The following DCC variants were observed in gnomAD, a reference collection of about 807,000 sequenced individuals.
The protein encoded by DCC is netrin receptor DCC.
In DCC, 58 loss-of-function variants were observed where a neutral mutation model predicts 172.5. The ratio of observed to expected loss-of-function variants is 0.34; its 90% CI spans 0.27 to 0.42. The LOEUF (loss-of-function observed/expected upper bound fraction) is 0.42, where lower values mean the gene tolerates loss of function less well. Among genes scored for constraint, DCC ranks in the 10% least tolerant of loss-of-function variants. The pLI, the probability that DCC is intolerant of heterozygous loss-of-function variation, is 1.00. For synonymous variants in DCC, 709 were observed against 644.5 expected (o/e 1.10, Z -1.52); for missense variants, 1,740 against 1,791.0 (o/e 0.97, Z 0.51).
At chr18:52,681,172 C>T (rs370297263) in intron 1 of DCC, among the ~76,000 whole-genome samples, 11 of 152,152 alleles carry the variant, frequency 7.2e-5, no homozygotes, top group African/African-American at 2.6e-4. Context: ...GAAGTCTAGA[C>T]AAGTCAAATG....
chr18:53,344,014 C>CT (rs1021582662), intron 15 of DCC, among the ~76,000 whole-genome samples: 6 of 151,718 alleles, frequency 4.0e-5, no homozygotes, highest in East Asian at 1.9e-4. Context: ...TTGTTCCTGT[C>CT]TTTTTTTTGT....
At chr18:52,981,241 T>C (rs2145604610) in intron 5 of DCC, among the ~76,000 whole-genome samples, 1 of 152,302 alleles carries the variant, frequency 6.6e-6, no homozygotes, top group Non-Finnish European at 1.5e-5. Flanking sequence ...CTGTAGAACT[T>C]GTGGACCTAT....
At chr18:53,100,051 A>G (rs2043146707) in intron 7 of DCC, among the ~76,000 whole-genome samples, 1 of 150,508 alleles carries the variant, frequency 6.6e-6, no homozygotes, top group African/African-American at 2.5e-5. Context: ...GGTTCCAGCA[A>G]TTCTCCTGCA....
chr18:52,981,834 A>T (rs2041215450), intron 5 of DCC, among the ~76,000 whole-genome samples: 1 of 152,236 alleles, frequency 6.6e-6, no homozygotes. Context: ...CAATACAAGT[A>T]AATGAGTAAT....
Position 53,502,319 on chromosome 18 carries a change from T to C in DCC, c.4111+2809T>C, listed in dbSNP as rs529221644. 4.6e-5 allele frequency among the ~76,000 whole-genome samples: 7 copies of C among 152,366 alleles called. No homozygotes were observed. The South Asian group carries it at 1.2e-3, about 27-fold the overall frequency. ...TTTTTCCTTTAGTGTTTCTCTCTTA[T>C]TGTCTTCCTATGATTCCTGTTCATT... On this transcript the variant is annotated intron_variant, in intron 27 of 28. Transcript: ENST00000442544.
At chr18:53,160,199 C>T (rs2054814016) in intron 8 of DCC, among the ~76,000 whole-genome samples, 1 of 152,154 alleles carries the variant, frequency 6.6e-6, no homozygotes, top group Non-Finnish European at 1.5e-5. Context: ...ACCCCCTTGG[C>T]TACTTGCTGC....
At chr18:52,647,182 C>T (rs2035034745) in intron 1 of DCC, among the ~76,000 whole-genome samples, 1 of 152,178 alleles carries the variant, frequency 6.6e-6, no homozygotes, top group African/African-American at 2.4e-5. Flanking sequence ...AAGGGGTTGT[C>T]ATCCACGGTA....
At chr18:52,701,881 C>G (rs1157961422) in intron 1 of DCC, among the ~76,000 whole-genome samples, 1 of 152,166 alleles carries the variant, frequency 6.6e-6, no homozygotes, top group African/African-American at 2.4e-5. Context: ...ACAGGAAGGC[C>G]TCTAAGATTT....
At chr18:52,955,635 A>G (rs371366015) in intron 5 of DCC, among the ~76,000 whole-genome samples, 2 of 152,210 alleles carry the variant, frequency 1.3e-5, no homozygotes, top group African/African-American at 4.8e-5. Context: ...CTGTCCTTCA[A>G]AGTGGTTGCA....
At chr18:52,422,949 T>G (rs1987299391) in intron 1 of DCC, among the ~76,000 whole-genome samples, 1 of 152,158 alleles carries the variant, frequency 6.6e-6, no homozygotes, top group Admixed American at 6.5e-5. Flanking sequence ...GGACCTTCAA[T>G]TTGCAGACCT....
chr18:52,586,360 T>A (rs2033673625), intron 1 of DCC, among the ~76,000 whole-genome samples: 1 of 152,194 alleles, frequency 6.6e-6, no homozygotes, highest in South Asian at 2.1e-4. Flanking sequence ...GTTGCCCCTG[T>A]ATTCCATGCA....
At chr18:53,121,453 G>C (rs544701096) in intron 7 of DCC, among the ~76,000 whole-genome samples, 1 of 151,926 alleles carries the variant, frequency 6.6e-6, no homozygotes, top group African/African-American at 2.4e-5. Context: ...TTCCCATTCA[G>C]ATTCACAAGT....
chr18:53,177,939 C>T (rs965658779), intron 8 of DCC, among the ~76,000 whole-genome samples: 5 of 151,976 alleles, frequency 3.3e-5, no homozygotes, highest in African/African-American at 1.2e-4. Flanking sequence ...TCTAATTTTC[C>T]CTGGCAGAAA....
intron 7 of DCC, among the ~76,000 whole-genome samples, chr18:53,103,116 G>A (rs1568306584): frequency 6.6e-6 from 1 of 151,910 alleles, no homozygotes. Flanking sequence ...TTCTTATTGA[G>A]CACTACCCTA....
intron 1 of DCC, among the ~76,000 whole-genome samples, chr18:52,553,178 A>C (rs2032822609): frequency 6.6e-6 from 1 of 152,076 alleles, no homozygotes; most frequent in African/African-American, 2.4e-5. Context: ...GTGTATATAT[A>C]GATGCACATG....
chr18:53,003,768 A>G (rs928835448), intron 5 of DCC, among the ~76,000 whole-genome samples: 2 of 152,076 alleles, frequency 1.3e-5, no homozygotes, highest in African/African-American at 2.4e-5. Flanking sequence ...CAAGTTTTTC[A>G]TAATATCACA....
At chr18:53,324,670 A>G (rs1197084639) in intron 14 of DCC, among the ~76,000 whole-genome samples, 1 of 152,154 alleles carries the variant, frequency 6.6e-6, no homozygotes, top group Non-Finnish European at 1.5e-5. Context: ...TGAGATATAT[A>G]TGGCAAGAAG....
At chr18:53,415,423 G>A (rs1316335091) in intron 20 of DCC, among the ~76,000 whole-genome samples, 1 of 151,896 alleles carries the variant, frequency 6.6e-6, no homozygotes, top group Non-Finnish European at 1.5e-5. Flanking sequence ...TGGTCAAAAT[G>A]CCATGTAATT....
intron 2 of DCC, among the ~76,000 whole-genome samples, chr18:52,777,770 G>A (rs2037460374): frequency 7.2e-6 from 1 of 138,796 alleles, no homozygotes. Context: ...GATCTCCAGG[G>A]AAAAAAAAAG....
Sources: gnomAD v4.1 joint callset for allele counts (sites outside exome capture counted in the v4.1 genomes callset) on GRCh38, gnomAD v4.1.1 for gene constraint, MANE v1.5 for transcripts, NCBI Gene and HGNC (gene_info 2026-07-23, HGNC 2026-07-21) for gene names.